Variants in PI4KB observed in about 807,000 individuals in gnomAD.
PI4KB encodes phosphatidylinositol 4-kinase beta, also known as PtdIns 4-kinase beta.
PI4KB carries 23 observed loss-of-function variants against 81.4 expected under a neutral mutation model. That is an observed-to-expected ratio of 0.28 (90% CI 0.20 to 0.40). The LOEUF (loss-of-function observed/expected upper bound fraction) is 0.40. PI4KB is among the 10% of genes least tolerant of loss of function. The pLI, the probability that PI4KB is intolerant of heterozygous loss-of-function variation, is 1.00. For missense variants in PI4KB, 651 were observed against 1,036.6 expected (o/e 0.63, Z 5.11); for synonymous variants, 381 against 406.8 (o/e 0.94, Z 0.76).
intron 1 of PI4KB, among the ~76,000 whole-genome samples, chr1:151,321,088 A>G (rs974728466): frequency 6.6e-6 from 1 of 152,244 alleles, no homozygotes; most frequent in Non-Finnish European, 1.5e-5. Flanking sequence ...CCCAGGGCTC[A>G]GCTAAGAATC....
chr1:151,309,749 A>T (rs1398594738), intron 3 of PI4KB, among the ~76,000 whole-genome samples: 1 of 152,210 alleles, frequency 6.6e-6, no homozygotes, highest in East Asian at 1.9e-4. Flanking sequence ...TTGTTTTTGG[A>T]GTCAGCTCAC....
chr1:151,306,532 T>C, intron 4 of PI4KB, 169 bp from the exon 5 acceptor site: 1 of 602,364 alleles, frequency 1.7e-6, no homozygotes, highest in Non-Finnish European at 3.0e-6. Flanking sequence ...TGTCCTATGA[T>C]CACCTATGTA....
At chr1:151,302,334 G>A (rs756950358) in intron 6 of PI4KB, 36 bp from the exon 7 acceptor site, 1 of 1,456,972 alleles carries the variant, frequency 6.9e-7, no homozygotes, top group South Asian at 1.1e-5. Flanking sequence ...GCTTGGAGAA[G>A]CTACCCCCAA....
chr1:151,294,546 G>C lies in PI4KB; in HGVS notation c.2016-5C>G. The C allele has an allele frequency of 6.2e-7, 1 of 1,614,002 alleles. No homozygotes were observed. Among genetic ancestry groups the C allele is most frequent in the South Asian group, 1.1e-5 (1 of 91,072 alleles). On this transcript the variant is annotated splice_polypyrimidine_tract_variant and splice_region_variant and intron_variant, in intron 9 of 11. Coordinates refer to ENST00000368873, the MANE Select transcript of PI4KB (RefSeq NM_001369623.2). Reference sequence around the variant, plus strand: ...AAAAGGATATTCCCATTGTGTCTGAGGAGGGGGAATAGAGGAGAGGAAGAG... The same window carrying C: ...AAAAGGATATTCCCATTGTGTCTGACGAGGGGGAATAGAGGAGAGGAAGAG...
chr1:151,310,543 T>C (rs943637), intron 2 of PI4KB, among the ~76,000 whole-genome samples: 94,232 of 151,916 alleles, frequency 0.62, 29,493 homozygotes, highest in Middle Eastern at 0.68. Flanking sequence ...ACTGAATGGA[T>C]CTTCCTTCTA....
chr1:151,306,234 T>G lies in PI4KB; in HGVS notation c.1312A>C (p.Thr438Pro). ...AAGCTGCCAGCTCGCTGCTCATGGG[T>G]AATACCACATTCGGGCAAGTTTTCT... ...SVENLPECGI[T>P]HEQRAGSFST... Residue 438 changes from threonine to proline, a missense_variant, in exon 5 of 12, where the codon ACC becomes CCC. By Grantham distance (38) the Thr-to-Pro change is conservative. Transcript: ENST00000368873. 1 of 1,614,144 alleles carries G rather than the reference T, an allele frequency of 6.2e-7. No homozygotes were observed. Among genetic ancestry groups the G allele is most frequent in the Non-Finnish European group, 8.5e-7 (1 of 1,180,028 alleles).
At position 151,307,625 on chromosome 1, in the gene PI4KB, G is replaced by A. The variant is rs773782666; in HGVS notation, c.1131C>T (p.His377=). The change falls in exon 4 of 12, where the codon CAC becomes CAT. Residue 377 remains histidine, a synonymous_variant. Coordinates refer to ENST00000368873, the MANE Select transcript of PI4KB (RefSeq NM_001369623.2). The stretch of plus-strand genomic sequence containing the variant: ...CCTGTGTGTGGGGTACACGGACCAC[G>A]TGGTGGTCAAAGCCAGCAGTGGGCA... The part of the protein sequence containing the change: ...VWLPTAGFDH[H]VVRVPHTQAV... 5 of 1,614,068 alleles carry A rather than the reference G, an allele frequency of 3.1e-6. No individual in the cohort carries two copies. The highest frequency in any genetic ancestry group is 4.2e-6 in the Non-Finnish European group (5 of 1,179,942).
At chr1:151,316,654 A>ATTTTTT in intron 1 of PI4KB, 145 bp from the exon 2 acceptor site, 2 of 531,096 alleles carry the variant, frequency 3.8e-6, no homozygotes, top group South Asian at 3.7e-5. Flanking sequence ...TCAAAATCAG[A>ATTTTTT]TAAGAAGACA....
At chr1:151,323,886 TG>T (rs140548698) in intron 1 of PI4KB, among the ~76,000 whole-genome samples, 3,901 of 152,250 alleles carry the variant, frequency 0.026, 175 homozygotes, top group African/African-American at 0.089. Context: ...ACAGGACTGC[TG>T]TTTTTCTTCA....
At position 151,299,011 on chromosome 1, in the gene PI4KB, C is replaced by G. The variant is rs745835813; in HGVS notation, c.1812G>C (p.Ser604=). The change falls in exon 9 of 12, where the codon TCG becomes TCC. Residue 604 remains serine (S), a synonymous_variant. Transcript: ENST00000368873. ...WIKPYKILVI[S]ADSGMIEPVV... is the part of the protein sequence containing the mutation. ...CTGGTTCAATCATGCCACTATCAGC[C>G]GAAATCACAAGAATCTTGTATGGCT... 6.2e-7 allele frequency: 1 copy of G among 1,614,078 alleles called. No individual in the cohort carries two copies. Among genetic ancestry groups the G allele is most frequent in the Non-Finnish European group, 8.5e-7 (1 of 1,179,956 alleles).
chr1:151,316,326 G>A lies in PI4KB; in HGVS notation c.156C>T (p.Cys52=), dbSNP rs769372446. Residue 52 remains cysteine, a synonymous_variant, in exon 2 of 12, where the codon TGC becomes TGT. Transcript: ENST00000368873. The part of the protein sequence containing the change: ...VIDPEVAQKA[C]QEVLEKVKLL... ...GCTTGACTTTCTCCAACACCTCCTG[G>A]CAGGCCTTCTGGGCCACCTCAGGGT... The A allele has an allele frequency of 6.2e-7, 1 of 1,613,876 alleles. No individual in the cohort carries two copies.
At chr1:151,324,204 G>A (rs373300687) in intron 1 of PI4KB, among the ~76,000 whole-genome samples, 15 of 152,072 alleles carry the variant, frequency 9.9e-5, no homozygotes, top group East Asian at 5.8e-4. Flanking sequence ...CAAGTGATCC[G>A]CCCACCTCAG....
chr1:151,311,123 G>C (rs991067929), intron 2 of PI4KB, among the ~76,000 whole-genome samples: 1 of 152,102 alleles, frequency 6.6e-6, no homozygotes, highest in Non-Finnish European at 1.5e-5. Context: ...GCAAAAACAG[G>C]GGAAAGAGAT....
At chr1:151,297,057 G>A (rs1469088949) in intron 9 of PI4KB, among the ~76,000 whole-genome samples, 11 of 152,170 alleles carry the variant, frequency 7.2e-5, no homozygotes, top group Admixed American at 2.6e-4. Flanking sequence ...GATTACAGGC[G>A]TGAGCCACTG....
At chr1:151,310,699 C>T (rs587772374) in intron 2 of PI4KB, among the ~76,000 whole-genome samples, 56 of 152,238 alleles carry the variant, frequency 3.7e-4, no homozygotes, top group Non-Finnish European at 6.9e-4. Context: ...CTGCATGGCT[C>T]CCATACTGGA....
At chr1:151,300,276 C>T (rs587605970) in intron 8 of PI4KB, among the ~76,000 whole-genome samples, 55 of 152,328 alleles carry the variant, frequency 3.6e-4, no homozygotes, top group African/African-American at 1.3e-3. Context: ...ACTTTGCCTC[C>T]GCAAAATTTT....
chr1:151,301,507 C>G (rs911369587), intron 8 of PI4KB, among the ~76,000 whole-genome samples: 1 of 152,248 alleles, frequency 6.6e-6, no homozygotes, highest in African/African-American at 2.4e-5. Context: ...ACGCCATTCT[C>G]CTGCCTCAGC....
chr1:151,295,068 G>T (rs1383903020), intron 9 of PI4KB, among the ~76,000 whole-genome samples: 2 of 152,222 alleles, frequency 1.3e-5, no homozygotes, highest in African/African-American at 4.8e-5. Flanking sequence ...AAATAGCGTG[G>T]GGGCTTCAAG....
In PI4KB at chr1:151,316,206, A is replaced by G; in HGVS notation, c.276T>C (p.Asp92=). 3 of 1,613,994 alleles carry G rather than the reference A, an allele frequency of 1.9e-6. No homozygotes were observed. Among genetic ancestry groups the G allele is most frequent in the East Asian group, 2.2e-5 (1 of 44,870 alleles). The stretch of plus-strand genomic sequence containing the variant: ...CCTCCTCCCTGATCTGGGCAGGTGG[A>G]TCATCTAGGCAACGGATCTCACTGT... ...GVDSEIRCLD[D]PPAQIREEED... Residue 92 remains aspartate, a synonymous_variant, in exon 2 of 12, where the codon GAT becomes GAC. Coordinates refer to ENST00000368873, the MANE Select transcript of PI4KB (RefSeq NM_001369623.2).
Sources: gnomAD v4.1 joint callset for allele counts (sites outside exome capture counted in the v4.1 genomes callset) on GRCh38, gnomAD v4.1.1 for gene constraint, MANE v1.5 for transcripts, NCBI Gene and HGNC (gene_info 2026-07-23, HGNC 2026-07-21) for gene names.